MLIP: variants seen among roughly 807,000 people sequenced by gnomAD.
MLIP encodes muscular LMNA interacting protein.
MLIP carries 79 observed loss-of-function variants against 84.8 expected under a neutral mutation model. The ratio of observed to expected loss-of-function variants is 0.93; its 90% CI spans 0.78 to 1.12. The LOEUF is 1.12. Ranked by LOEUF, MLIP falls within the 50% of genes most tolerant of loss-of-function variation. MLIP has a pLI of 0.00. For missense variants in MLIP, 1,257 were observed against 1,160.6 expected (o/e 1.08, Z -1.21); for synonymous variants, 504 against 463.0 (o/e 1.09, Z -1.14).
At chr6:54,177,034 C>T (rs1362064812) in intron 9 of MLIP, among the ~76,000 whole-genome samples, 1 of 152,118 alleles carries the variant, frequency 6.6e-6, no homozygotes, top group Admixed American at 6.6e-5. Context: ...TTCCTCACAC[C>T]TTATACAAAA....
intron 5 of MLIP, among the ~76,000 whole-genome samples, chr6:54,159,879 A>T (rs1462281193): frequency 6.6e-6 from 1 of 152,090 alleles, no homozygotes; most frequent in Non-Finnish European, 1.5e-5. Context: ...TGACTGCATA[A>T]GCAAAAAGAA....
intron 11 of MLIP, among the ~76,000 whole-genome samples, chr6:54,227,344 T>C (rs1478071526): frequency 6.6e-6 from 1 of 151,900 alleles, no homozygotes; most frequent in Non-Finnish European, 1.5e-5. Context: ...CCTCTCAAGC[T>C]GATGAGCAAA....
At chr6:54,126,868 C>CAA (rs1770963615) in intron 3 of MLIP, among the ~76,000 whole-genome samples, 1 of 152,128 alleles carries the variant, frequency 6.6e-6, no homozygotes, top group African/African-American at 2.4e-5. Flanking sequence ...TAAATTACCT[C>CAA]TATTGGTTAG....
At chr6:54,254,266 G>A (rs9464047) in intron 12 of MLIP, among the ~76,000 whole-genome samples, 21,483 of 150,962 alleles carry the variant, frequency 0.14, 2,346 homozygotes, top group African/African-American at 0.3. Context: ...AGCTGGGACT[G>A]CAGACGCACA....
chr6:54,200,668 GTA>G (rs1192659422), intron 10 of MLIP, among the ~76,000 whole-genome samples: 14 of 137,728 alleles, frequency 1.0e-4, no homozygotes, highest in East Asian at 9.4e-4. Context: ...GTTCTCATGT[GTA>G]TACTCTATGG....
At chr6:54,224,966 C>T (rs185299260) in intron 11 of MLIP, among the ~76,000 whole-genome samples, 16 of 152,104 alleles carry the variant, frequency 1.1e-4, no homozygotes, top group Admixed American at 2.0e-4. Flanking sequence ...GTATATATAC[C>T]ACAGTTTCTT....
chr6:54,095,113 A>G (rs1471630253), intron 1 of MLIP, among the ~76,000 whole-genome samples: 2 of 152,178 alleles, frequency 1.3e-5, no homozygotes, highest in Non-Finnish European at 2.9e-5. Context: ...CATAGCAGAG[A>G]ACAGATGGGA....
At chr6:54,024,290 G>A (rs756318272) in intron 1 of MLIP, among the ~76,000 whole-genome samples, 2 of 152,244 alleles carry the variant, frequency 1.3e-5, no homozygotes, top group South Asian at 2.1e-4. Context: ...GGGATTACAG[G>A]TGTGAGCCAC....
At chr6:54,059,596 A>C (rs1033533166) in intron 1 of MLIP, among the ~76,000 whole-genome samples, 4 of 152,212 alleles carry the variant, frequency 2.6e-5, no homozygotes, top group African/African-American at 4.8e-5. Flanking sequence ...CTTTATCAAA[A>C]TAATATAGAA....
intron 9 of MLIP, among the ~76,000 whole-genome samples, chr6:54,173,569 C>G (rs914486422): frequency 2.0e-5 from 3 of 151,512 alleles, no homozygotes; most frequent in African/African-American, 7.3e-5. Context: ...AATAAATTTC[C>G]TTTCTAAGCA....
intron 11 of MLIP, among the ~76,000 whole-genome samples, chr6:54,207,414 C>T (rs937267472): frequency 7.0e-6 from 1 of 143,828 alleles, no homozygotes; most frequent in Non-Finnish European, 1.5e-5. Flanking sequence ...TCTGCACCCC[C>T]CCCCCCTTTT....
intron 3 of MLIP, among the ~76,000 whole-genome samples, chr6:54,128,629 G>A (rs1275360557): frequency 6.6e-6 from 1 of 152,098 alleles, no homozygotes; most frequent in Non-Finnish European, 1.5e-5. Context: ...GAGATTATGG[G>A]GACAGAAATC....
At chr6:54,047,029 G>T (rs988666458) in intron 1 of MLIP, 41 of 152,172 alleles carry the variant, frequency 2.7e-4, no homozygotes, top group African/African-American at 9.7e-4. Flanking sequence ...ATTAGCTGCA[G>T]AGCCTTTCAC....
intron 12 of MLIP, among the ~76,000 whole-genome samples, chr6:54,233,410 T>A (rs150902397): frequency 6.5e-4 from 99 of 151,930 alleles, no homozygotes; most frequent in African/African-American, 2.1e-3. Flanking sequence ...CTCCCACTTA[T>A]GAGTGAGAAC....
chr6:54,106,482 G>A (rs1430304078), upstream of MLIP, among the ~76,000 whole-genome samples: 1 of 152,176 alleles, frequency 6.6e-6, no homozygotes, highest in Non-Finnish European at 1.5e-5. Flanking sequence ...CAATGATTCG[G>A]AAAGAAGACG....
Position 54,137,951 on chromosome 6 carries a change from T to C in MLIP, c.1882T>C (p.Ser628Pro). 1 of 1,536,104 alleles carries C rather than the reference T, an allele frequency of 6.5e-7. No homozygotes were observed. The highest frequency in any genetic ancestry group is 8.7e-7 in the Non-Finnish European group (1 of 1,146,884). ...CCTGATAAACAGATCTAAAAGAGCA[T>C]CATCCCAACTATCTGGCCAGGAGCT... ...SSLINRSKRASSQLSGQELNP... is the reference protein window; with the variant it reads ...SSLINRSKRAPSQLSGQELNP... Residue 628 changes from serine to proline, a missense_variant, in exon 4 of 14, where the codon TCA (serine) becomes CCA (proline). Coordinates refer to ENST00000502396, the MANE Select transcript of MLIP (RefSeq NM_001281747.2).
At chr6:54,237,107 G>T (rs1301141653) in intron 12 of MLIP, among the ~76,000 whole-genome samples, 1 of 151,810 alleles carries the variant, frequency 6.6e-6, no homozygotes, top group Non-Finnish European at 1.5e-5. Context: ...TAGTTATTTT[G>T]GGAGGTGGTT....
At chr6:54,206,632 T>A (rs1320245614) in intron 11 of MLIP, among the ~76,000 whole-genome samples, 3 of 151,664 alleles carry the variant, frequency 2.0e-5, no homozygotes, top group Non-Finnish European at 4.4e-5. Context: ...TTCTTCTGAG[T>A]TTTTTTTAGA....
intron 12 of MLIP, among the ~76,000 whole-genome samples, chr6:54,245,620 G>T (rs1339796452): frequency 1.3e-5 from 2 of 152,082 alleles, no homozygotes; most frequent in Non-Finnish European, 2.9e-5. Context: ...TATATATTTT[G>T]TCTACCTTTG....
Sources: allele counts gnomAD v4.1 joint callset (sites outside exome capture counted in the v4.1 genomes callset), GRCh38; gene constraint gnomAD v4.1.1; transcripts MANE v1.5; gene names NCBI Gene and HGNC (gene_info 2026-07-23, HGNC 2026-07-21).